Variants in KRT84 observed in about 807,000 individuals in gnomAD.
The protein encoded by KRT84 is keratin, type II cuticular Hb4.
KRT84 carries 38 observed loss-of-function variants against 49.0 expected under a neutral mutation model. That is an observed-to-expected ratio of 0.78 (90% CI 0.60 to 1.02). The LOEUF (loss-of-function observed/expected upper bound fraction) is 1.02, where lower values mean the gene tolerates loss of function less well. KRT84 is among the 50% of genes least tolerant of loss of function. KRT84 has a pLI of 0.00. For synonymous variants in KRT84, 334 were observed against 312.8 expected (o/e 1.07, Z -0.72); for missense variants, 860 against 788.6 (o/e 1.09, Z -1.08).
Position 52,377,988 on chromosome 12 carries a change from G to T in KRT84, c.*46C>A. 7.4e-7 allele frequency: 1 copy of T among 1,346,806 alleles called. No homozygotes were observed. Among genetic ancestry groups the T allele is most frequent in the Non-Finnish European group, 9.7e-7 (1 of 1,031,614 alleles). The allele number at this position is 1,346,806 out of a possible 1,614,324, so 83.4% of individuals were successfully genotyped here. A position where few individuals can be genotyped will look rare whatever the true frequency, so the allele number is the denominator to read the frequency against. ...AACCCTGGGGGCAGAAGCAGGAGCC[G>T]TGGAGCTGGTTCTTCTCTGGGCAGC... On this transcript the variant is annotated 3_prime_UTR_variant, in exon 9 of 9. Coordinates refer to ENST00000257951, the MANE Select transcript of KRT84 (RefSeq NM_033045.4).
chr12:52,381,232 G>C (rs189102909), intron 5 of KRT84, 27 bp from the exon 6 acceptor site: 93 of 1,613,400 alleles, frequency 5.8e-5, no homozygotes, highest in African/African-American at 1.2e-4. Flanking sequence ...GTATTTTGAG[G>C]GTTCGGAGGT....
chr12:52,380,044 A>G (rs1939453366), intron 7 of KRT84, 137 bp from the exon 8 acceptor site: 1 of 757,502 alleles, frequency 1.3e-6, no homozygotes, highest in East Asian at 2.7e-5. Flanking sequence ...ACATCTGGGG[A>G]GCGTTGAAAA....
intron 4 of KRT84, 31 bp downstream of exon 4, chr12:52,382,406 C>T (rs1205414485): frequency 6.8e-7 from 1 of 1,474,754 alleles, no homozygotes; most frequent in Non-Finnish European, 9.5e-7. Flanking sequence ...CATTGATCTC[C>T]TTGGGTGCCC....
intron 1 of KRT84, 96 bp from the exon 2 acceptor site, chr12:52,383,894 T>C: frequency 2.0e-6 from 2 of 978,316 alleles, no homozygotes; most frequent in Non-Finnish European, 3.1e-6. Flanking sequence ...CTTGACCACA[T>C]GTCGACAGGG....
intron 1 of KRT84, among the ~76,000 whole-genome samples, 180 bp downstream of exon 1, chr12:52,384,860 G>A (rs1939545926): frequency 6.6e-6 from 1 of 152,116 alleles, no homozygotes; most frequent in African/African-American, 2.4e-5. Flanking sequence ...CTCTGGCTTG[G>A]CCTTGCTCTG....
chr12:52,385,396 G>C lies in KRT84; in HGVS notation c.190C>G (p.Arg64Gly). The C allele has an allele frequency of 6.2e-7, 1 of 1,614,162 alleles. No homozygotes were observed. The highest frequency in any genetic ancestry group is 8.5e-7 in the Non-Finnish European group (1 of 1,180,020). ...SVITFGSYSP[R>G]IAAVGSRPIH... The stretch of plus-strand genomic sequence containing the variant: ...GGCCGAGAGCCTACAGCTGCTATCC[G>C]GGGTGAGTACGATCCAAAGGTGATG... Residue 64 changes from arginine to glycine, a missense_variant, in exon 1 of 9, where the codon CGG becomes GGG. Physicochemically the swap from Arg to Gly is moderately radical, Grantham distance 125 (BLOSUM62 -2). Transcript: ENST00000257951.
Position 52,381,219 on chromosome 12 carries a change from A to G in KRT84, c.1078-14T>C, listed in dbSNP as rs369038350. On this transcript the variant is annotated splice_polypyrimidine_tract_variant and intron_variant, in intron 5 of 8. Transcript: ENST00000257951. ...CATCTCTTCATACTGCGGAGAGAGG[A>G]GGGTATTTTGAGGGTTCGGAGGTCA... 20 of 1,613,718 alleles carry G rather than the reference A, an allele frequency of 1.2e-5. No individual in the cohort carries two copies. Among genetic ancestry groups the G allele is most frequent in the Non-Finnish European group, 1.6e-5 (19 of 1,179,922 alleles).
intron 7 of KRT84, 131 bp downstream of exon 7, chr12:52,380,232 G>A: frequency 3.5e-6 from 4 of 1,133,676 alleles, no homozygotes; most frequent in Non-Finnish European, 3.7e-6. Flanking sequence ...TGCAACTAAT[G>A]TTTGCAGAGA....
intron 3 of KRT84, 60 bp downstream of exon 3, chr12:52,382,945 G>A (rs1445237667): frequency 2.8e-6 from 4 of 1,452,438 alleles, no homozygotes; most frequent in East Asian, 4.5e-5. Context: ...TTCCTGGGGA[G>A]TCTTGAGAAC....
At position 52,380,433 on chromosome 12, in the gene KRT84, T is replaced by C. The variant is rs1212184819; in HGVS notation, c.1354A>G (p.Met452Val). ...ATGTCCAGGCCCAGCTTGGCATTCA[T>C]CAGCTCCTGGTACTCGCACAGCTGC... Reference protein sequence around the residue: ...ARQLCEYQELMNAKLGLDIEI... With the variant: ...ARQLCEYQELVNAKLGLDIEI... The change falls in exon 7 of 9, where the codon ATG becomes GTG. Residue 452 changes from methionine to valine, a missense_variant. By Grantham distance (21) the Met-to-Val change is conservative (BLOSUM62 1). Transcript: ENST00000257951. 3.7e-6 allele frequency: 6 copies of C among 1,614,214 alleles called. No individual in the cohort carries two copies. The highest frequency in any genetic ancestry group is 5.1e-6 in the Non-Finnish European group (6 of 1,180,028).
chr12:52,379,785 T>C, intron 8 of KRT84, 91 bp downstream of exon 8: 1 of 1,053,236 alleles, frequency 9.5e-7, no homozygotes, highest in Non-Finnish European at 1.5e-6. Context: ...ACCGGCCATG[T>C]CGGACGCCTC....
upstream of KRT84, chr12:52,385,662 G>T: frequency 7.1e-7 from 1 of 1,399,326 alleles, no homozygotes; most frequent in Non-Finnish European, 9.9e-7. Flanking sequence ...TGAGGCCAGT[G>T]GAACCCTTGC....
Position 52,381,513 on chromosome 12 carries a change from G to A in KRT84, c.925C>T (p.Leu309=). ...KTLYMEEIQL[L]QSHISETSVI... ...GACGTCTCTGAGATGTGCGACTGCA[G>A]CAACTGGATTTCCTGTGTTGGAGGA... Residue 309 remains leucine, a synonymous_variant, in exon 5 of 9, where the codon CTG becomes TTG. Coordinates refer to ENST00000257951, the MANE Select transcript of KRT84 (RefSeq NM_033045.4). 1.9e-6 allele frequency: 3 copies of A among 1,614,042 alleles called. No homozygotes were observed. The highest frequency in any genetic ancestry group is 1.3e-5 in the African/African-American group (1 of 75,064).
At position 52,378,090 on chromosome 12, in the gene KRT84, G is replaced by T; in HGVS notation, c.1747C>A (p.Arg583Ser). The T allele has an allele frequency of 1.3e-6, 2 of 1,499,242 alleles. No individual in the cohort carries two copies. Among genetic ancestry groups the T allele is most frequent in the Non-Finnish European group, 1.8e-6 (2 of 1,130,882 alleles). 92.9% of individuals were successfully genotyped at this position (1,499,242 alleles called of 1,614,324 possible). The change falls in exon 9 of 9, where the codon CGC becomes AGC. Residue 583 changes from arginine to serine, a missense_variant. Coordinates refer to ENST00000257951, the MANE Select transcript of KRT84 (RefSeq NM_033045.4). ...QGGFSSCSGG[R>S]SSSVRFVSTT... ...GACACAAAGCGGACGCTGGAGCTGCGGCCGCCGCTGCAGCTGCTGAAGCCC... is the reference window on the plus strand; with the variant it reads ...GACACAAAGCGGACGCTGGAGCTGCTGCCGCCGCTGCAGCTGCTGAAGCCC...
chr12:52,378,156 C>T lies in KRT84; in HGVS notation c.1681G>A (p.Ala561Thr), dbSNP rs1482238414. 5 of 1,575,806 alleles carry T rather than the reference C, an allele frequency of 3.2e-6. No individual in the cohort carries two copies. Among genetic ancestry groups the T allele is most frequent in the Non-Finnish European group, 3.4e-6 (4 of 1,162,416 alleles). Residue 561 changes from alanine to threonine, a missense_variant, in exon 9 of 9, where the codon GCC (alanine) becomes ACC (threonine). Transcript: ENST00000257951. ...TRSGSMLISE[A>T]CVPSVPCPLP... ...GGGCAGGGGACGCTGGGGACACAGG[C>T]CTCGCTGATGAGCATGGAGCCACTC...
chr12:52,386,790 C>G (rs1460499993), upstream of KRT84, among the ~76,000 whole-genome samples: 1 of 152,080 alleles, frequency 6.6e-6, no homozygotes, highest in Non-Finnish European at 1.5e-5. Flanking sequence ...AATATTGCAG[C>G]TCTTTTAGGA....
chr12:52,381,491 G>A lies in KRT84; in HGVS notation c.947C>T (p.Thr316Met), dbSNP rs370280302. The A allele has an allele frequency of 1.5e-5, 25 of 1,613,990 alleles. No homozygotes were observed. The highest frequency in any genetic ancestry group is 2.7e-5 in the African/African-American group (2 of 74,904). ...GTTGTCCATCTTCACAATGACCGACGTCTCTGAGATGTGCGACTGCAGCAA... is the reference window on the plus strand; with the variant it reads ...GTTGTCCATCTTCACAATGACCGACATCTCTGAGATGTGCGACTGCAGCAA... ...IQLLQSHISE[T>M]SVIVKMDNSR... Residue 316 changes from threonine to methionine, a missense_variant, in exon 5 of 9, where the codon ACG becomes ATG. Physicochemically the swap from Thr to Met is moderately conservative, Grantham distance 81. Transcript: ENST00000257951.
At chr12:52,383,111 G>A (rs1732298) in intron 2 of KRT84, 46 bp from the exon 3 acceptor site, 351,769 of 1,525,146 alleles carry the variant, frequency 0.23, 45,667 homozygotes, top group African/African-American at 0.55. Context: ...TGAACTGAGA[G>A]GCAGTTACTC....
At chr12:52,383,175 C>T in intron 2 of KRT84, 110 bp from the exon 3 acceptor site, 1 of 864,102 alleles carries the variant, frequency 1.2e-6, no homozygotes, top group Non-Finnish European at 2.0e-6. Flanking sequence ...GATCATGGTT[C>T]CCTATTGCTA....
Sources: allele counts gnomAD v4.1 joint callset (sites outside exome capture counted in the v4.1 genomes callset), GRCh38; gene constraint gnomAD v4.1.1; transcripts MANE v1.5; gene names NCBI Gene and HGNC (gene_info 2026-07-23, HGNC 2026-07-21).